Variants in PKP2 observed in about 807,000 individuals in gnomAD.
PKP2 encodes the protein plakophilin-2.
A neutral mutation model predicts 83.4 loss-of-function variants in PKP2; 73 were observed. The ratio of observed to expected loss-of-function variants is 0.88; its 90% CI spans 0.72 to 1.06. The LOEUF (loss-of-function observed/expected upper bound fraction) is 1.06. Among genes scored for constraint, PKP2 ranks in the 50% least tolerant of loss-of-function variants. The pLI is 0.00. For missense variants in PKP2, 966 were observed against 1,065.4 expected (o/e 0.91, Z 1.30); for synonymous variants, 409 against 430.4 (o/e 0.95, Z 0.62).
intron 9 of PKP2, among the ~76,000 whole-genome samples, chr12:32,812,128 T>A (rs1248393774): frequency 3.3e-5 from 5 of 151,254 alleles, no homozygotes. Flanking sequence ...TTTTTTTTTT[T>A]TTTCTGCTTG....
intron 4 of PKP2, among the ~76,000 whole-genome samples, chr12:32,861,668 T>A (rs1168052683): frequency 6.6e-6 from 1 of 152,104 alleles, no homozygotes. Context: ...AAGTAGAAAT[T>A]CACAAATCTA....
At chr12:32,870,780 T>A (rs1312397056) in intron 3 of PKP2, among the ~76,000 whole-genome samples, 2 of 152,086 alleles carry the variant, frequency 1.3e-5, no homozygotes, top group African/African-American at 4.8e-5. Flanking sequence ...AGCTTTTTTT[T>A]TAAAAAAAGA....
intron 3 of PKP2, among the ~76,000 whole-genome samples, chr12:32,869,694 G>T (rs1956881334): frequency 6.6e-6 from 1 of 151,746 alleles, no homozygotes; most frequent in South Asian, 2.1e-4. Flanking sequence ...ACTTTTAAAA[G>T]AATCCAAAAG....
intron 6 of PKP2, among the ~76,000 whole-genome samples, chr12:32,837,405 A>G (rs1336688468): frequency 6.6e-6 from 1 of 152,212 alleles, no homozygotes; most frequent in Non-Finnish European, 1.5e-5. Flanking sequence ...TCTTGTAGGG[A>G]GTGCTACTGA....
chr12:32,873,684 C>T (rs1268534009), intron 3 of PKP2, among the ~76,000 whole-genome samples: 1 of 152,162 alleles, frequency 6.6e-6, no homozygotes, highest in African/African-American at 2.4e-5. Flanking sequence ...CATCCACCAC[C>T]ATGCCTGGCT....
intron 1 of PKP2, among the ~76,000 whole-genome samples, chr12:32,887,285 T>TAA (rs536988440): frequency 8.5e-5 from 13 of 152,140 alleles, no homozygotes; most frequent in Non-Finnish European, 1.2e-4. Context: ...GACTGACTAA[T>TAA]CCATTGCTGT....
chr12:32,854,579 A>T (rs572075750), intron 4 of PKP2, among the ~76,000 whole-genome samples: 14 of 152,198 alleles, frequency 9.2e-5, no homozygotes, highest in Non-Finnish European at 2.1e-4. Context: ...TCAGGGAAGC[A>T]GCTGGAACCA....
At chr12:32,819,050 G>C (rs1252816576) in intron 9 of PKP2, among the ~76,000 whole-genome samples, 3 of 152,080 alleles carry the variant, frequency 2.0e-5, no homozygotes, top group Non-Finnish European at 4.4e-5. Context: ...GGCTGAGGCT[G>C]GTGGATCACC....
At position 32,796,173 on chromosome 12, in the gene PKP2, T is replaced by A. The variant is rs1302428581; in HGVS notation, c.2293A>T (p.Asn765Tyr). Residue 765 changes from asparagine (N) to tyrosine (Y), a missense_variant, in exon 11 of 13, where the codon AAT becomes TAT. Physicochemically the swap from Asn to Tyr is moderately radical, Grantham distance 143. Coordinates refer to ENST00000340811, the MANE Select transcript of PKP2 (RefSeq NM_001005242.3). ...CCGGTGTTTAGAAGGTCGCGTGCATTCTGGTAACTGTTTTGGATTATGTTG... is the reference window on the plus strand; with the variant it reads ...CCGGTGTTTAGAAGGTCGCGTGCATACTGGTAACTGTTTTGGATTATGTTG... The part of the protein sequence containing the change: ...LNNIIQNSYQ[N>Y]ARDLLNTGGI... 1 of 1,614,120 alleles carries A rather than the reference T, an allele frequency of 6.2e-7. No homozygotes were observed. The highest frequency in any genetic ancestry group is 1.7e-5 in the Admixed American group (1 of 60,006).
chr12:32,882,527 AC>A (rs1271904730), intron 1 of PKP2, among the ~76,000 whole-genome samples: 1 of 152,196 alleles, frequency 6.6e-6, no homozygotes, highest in East Asian at 1.9e-4. Flanking sequence ...TTTGGACAGG[AC>A]CCAGTGAAAC....
At chr12:32,834,741 G>A (rs1457095330) in intron 6 of PKP2, among the ~76,000 whole-genome samples, 1 of 152,026 alleles carries the variant, frequency 6.6e-6, no homozygotes, top group African/African-American at 2.4e-5. Flanking sequence ...AGAAAGAGGA[G>A]GAAAGAAGCT....
At chr12:32,806,737 G>A (rs2137736127) in intron 9 of PKP2, among the ~76,000 whole-genome samples, 1 of 139,946 alleles carries the variant, frequency 7.1e-6, no homozygotes, top group East Asian at 3.3e-4. Flanking sequence ...TCTGATCTTG[G>A]CTATTTCTTG....
At chr12:32,873,940 A>G (rs1013506995) in intron 3 of PKP2, among the ~76,000 whole-genome samples, 10 of 152,162 alleles carry the variant, frequency 6.6e-5, no homozygotes, top group African/African-American at 2.4e-4. Flanking sequence ...AGAAAAATTC[A>G]TCTATAATTT....
chr12:32,839,415 C>T (rs750390429), intron 6 of PKP2, among the ~76,000 whole-genome samples: 2 of 141,878 alleles, frequency 1.4e-5, no homozygotes, highest in African/African-American at 2.6e-5. Context: ...GGGCTGCCTA[C>T]GATTAAGTTA....
chr12:32,869,931 A>C (rs891634952), intron 3 of PKP2, among the ~76,000 whole-genome samples: 4 of 152,208 alleles, frequency 2.6e-5, no homozygotes, highest in African/African-American at 9.7e-5. Context: ...TGGAAGGCTG[A>C]GGTGGGAGGA....
At chr12:32,814,408 G>A (rs1002893842) in intron 9 of PKP2, among the ~76,000 whole-genome samples, 1 of 152,196 alleles carries the variant, frequency 6.6e-6, no homozygotes, top group Middle Eastern at 3.4e-3. Flanking sequence ...TTCACTCAGA[G>A]ACATGTTGCC....
At chr12:32,825,503 T>C (rs12809354) in intron 6 of PKP2, among the ~76,000 whole-genome samples, 20,688 of 152,166 alleles carry the variant, frequency 0.14, 1,532 homozygotes, top group South Asian at 0.21. Context: ...AGGTAGAATA[T>C]CCAGAATATG....
intron 9 of PKP2, among the ~76,000 whole-genome samples, chr12:32,806,352 T>C (rs1435731906): frequency 6.6e-6 from 1 of 152,192 alleles, no homozygotes; most frequent in Admixed American, 6.5e-5. Flanking sequence ...CTGGGTTTTT[T>C]GTGGTTGGTA....
intron 9 of PKP2, among the ~76,000 whole-genome samples, chr12:32,819,303 C>CAATAAAATAAAATAAAATAA (rs1183387884): frequency 6.0e-5 from 2 of 33,518 alleles, no homozygotes; most frequent in South Asian, 8.8e-4. Flanking sequence ...CAATACAATA[C>CAATAAAATAAAATAAAATAA]AATACAATAC....
Sources: gnomAD v4.1 joint callset for allele counts (sites outside exome capture counted in the v4.1 genomes callset) on GRCh38, gnomAD v4.1.1 for gene constraint, MANE v1.5 for transcripts, NCBI Gene and HGNC (gene_info 2026-07-23, HGNC 2026-07-21) for gene names.